Variants in UMODL1 observed in about 807,000 individuals in gnomAD.
UMODL1 encodes uromodulin-like 1.
Under a neutral mutation model 136.3 loss-of-function variants are expected in UMODL1, and 128 were observed. The ratio of observed to expected loss-of-function variants is 0.94; its 90% CI spans 0.81 to 1.09. UMODL1 has a LOEUF of 1.09. Ranked by LOEUF, UMODL1 falls within the 50% of genes least tolerant of loss-of-function variation. UMODL1 has a pLI of 0.00. For synonymous variants in UMODL1, 721 were observed against 720.0 expected (o/e 1.00, Z -0.02); for missense variants, 1,766 against 1,725.6 (o/e 1.02, Z -0.41).
chr21:42,120,702 A>G (rs966316310), intron 15 of UMODL1: 1 of 172,744 alleles, frequency 5.8e-6, no homozygotes, highest in African/African-American at 2.4e-5. Flanking sequence ...CATCATGGCG[A>G]AAGGCAAATG....
In UMODL1 at chr21:42,127,085, A is replaced by G. The variant is rs764239740; in HGVS notation, c.3373A>G (p.Ile1125Val). ...GCAGTTGTTTATCGGAGACTCTCCCATACCTCAGAATTATAGCGTGTCTGC... is the reference window on the plus strand; with the variant it reads ...GCAGTTGTTTATCGGAGACTCTCCCGTACCTCAGAATTATAGCGTGTCTGC... Reference protein sequence around the residue: ...EMQLFIGDSPIPQNYSVSASD... With the variant: ...EMQLFIGDSPVPQNYSVSASD... The change falls in exon 19 of 23, where the codon ATA becomes GTA. Residue 1125 changes from isoleucine to valine, a missense_variant. Physicochemically the swap from Ile to Val is conservative, Grantham distance 29 (BLOSUM62 3). Transcript: ENST00000408910. 1.2e-6 allele frequency: 2 copies of G among 1,614,214 alleles called. No individual in the cohort carries two copies. Among genetic ancestry groups the G allele is most frequent in the Non-Finnish European group, 8.5e-7 (1 of 1,180,042 alleles).
At chr21:42,068,868 T>G (rs2066205110), upstream of UMODL1, among the ~76,000 whole-genome samples, 1 of 152,068 alleles carries the variant, frequency 6.6e-6, no homozygotes, top group African/African-American at 2.4e-5. This position sits in a 1 kb window ranked among gnomAD's most constrained non-coding sequence, Gnocchi z 5.5. Flanking sequence ...TGTATGTGAG[T>G]GTGAGTGGGT....
At chr21:42,130,825 T>G (rs77305397) in intron 21 of UMODL1, among the ~76,000 whole-genome samples, 12 of 151,490 alleles carry the variant, frequency 7.9e-5, no homozygotes, top group Admixed American at 2.0e-4. Flanking sequence ...TTTTTTTTTT[T>G]TTGAGACGGA....
chr21:42,107,115 A>G (rs773137691), intron 9 of UMODL1, among the ~76,000 whole-genome samples: 1 of 151,844 alleles, frequency 6.6e-6, no homozygotes, highest in African/African-American at 2.4e-5. Flanking sequence ...TTTCCATTCA[A>G]TCTCTTGCTC....
intron 6 of UMODL1, among the ~76,000 whole-genome samples, chr21:42,092,436 T>C (rs1385406951): frequency 6.6e-6 from 1 of 152,074 alleles, no homozygotes; most frequent in Non-Finnish European, 1.5e-5. Flanking sequence ...ACATGTGTAA[T>C]TTTATAAGCT....
In UMODL1 at chr21:42,140,626, A is replaced by T. The variant is rs530245224; in HGVS notation, c.*22-1470A>T. Among the ~76,000 whole-genome samples, 120 of 151,946 alleles carry T rather than the reference A, an allele frequency of 7.9e-4. 1 individual carries two copies. Among genetic ancestry groups the T allele is most frequent in the Non-Finnish European group, 1.4e-3 (98 of 67,936 alleles). On this transcript the variant is annotated intron_variant, in intron 22 of 22. Transcript: ENST00000408910. ...CAGAGACCCGGAGAATTTGTATTTT[A>T]GCAGCTGTGCAAGGGGATCCACAAT...
Position 42,121,232 on chromosome 21 carries a change from C to A in UMODL1, c.2827+8C>A, listed in dbSNP as rs220150. Reference sequence around the variant, plus strand: ...CTGAGAGACCCTGTGAAGGTAATGTCGTCAGAGTTTCTTCTTCTGGAATAC... The same window carrying A: ...CTGAGAGACCCTGTGAAGGTAATGTAGTCAGAGTTTCTTCTTCTGGAATAC... On this transcript the variant is annotated splice_region_variant and intron_variant, in intron 16 of 22. Coordinates refer to ENST00000408910, the MANE Select transcript of UMODL1 (RefSeq NM_001004416.3). The A allele has an allele frequency of 6.0e-5, 96 of 1,603,136 alleles. No individual in the cohort carries two copies. The highest frequency in any genetic ancestry group is 8.0e-5 in the Non-Finnish European group (94 of 1,175,240).
At chr21:42,064,780 T>C (rs1339529882) in intron 1 of UMODL1, among the ~76,000 whole-genome samples, 2 of 152,300 alleles carry the variant, frequency 1.3e-5, no homozygotes, top group African/African-American at 4.8e-5. Context: ...GGTCTCTAAC[T>C]CCTGACCTCA....
At chr21:42,097,641 A>T (rs8132617) in intron 6 of UMODL1, among the ~76,000 whole-genome samples, 4 of 152,324 alleles carry the variant, frequency 2.6e-5, no homozygotes, top group African/African-American at 9.6e-5. Context: ...GAAGCCACAC[A>T]TTATAAAATT....
At chr21:42,098,207 G>T (rs961190472) in intron 6 of UMODL1, among the ~76,000 whole-genome samples, 1 of 152,116 alleles carries the variant, frequency 6.6e-6, no homozygotes, top group Non-Finnish European at 1.5e-5. Context: ...AGTAACCACC[G>T]ATTCCGGATC....
chr21:42,121,356 GA>G, intron 16 of UMODL1, 132 bp downstream of exon 16: 1 of 1,065,184 alleles, frequency 9.4e-7, no homozygotes, highest in Admixed American at 2.5e-5. Context: ...TCCTGTGTGT[GA>G]TGTGGGTGCA....
At position 42,085,822 on chromosome 21, in the gene UMODL1, T is replaced by A. The variant is rs1380590734; in HGVS notation, c.603+410T>A. Among the ~76,000 whole-genome samples, 1 of 151,896 alleles carries A rather than the reference T, an allele frequency of 6.6e-6. No individual in the cohort carries two copies. Among genetic ancestry groups the A allele is most frequent in the Non-Finnish European group, 1.5e-5 (1 of 67,996 alleles). ...GTGGAAGCCAGCACCAACCTGGGAG[T>A]GCTGAGATGGGAACCGTAGCCCAGG... is the stretch of plus-strand genomic sequence containing the variant. On this transcript the variant is annotated intron_variant, in intron 4 of 22. Transcript: ENST00000408910. This position sits in a 1 kb window ranked among gnomAD's most constrained non-coding sequence, Gnocchi z 4.5.
rs981080371 is a variant in UMODL1, at chr21:42,099,540, G to A, written c.1186+360G>A. 2.6e-5 allele frequency among the ~76,000 whole-genome samples: 4 copies of A among 152,142 alleles called. No homozygotes were observed. Among genetic ancestry groups the A allele is most frequent in the Non-Finnish European group, 4.4e-5 (3 of 68,026 alleles). On this transcript the variant is annotated intron_variant, in intron 7 of 22. Transcript: ENST00000408910. The surrounding 1 kb of genome is among the most constrained non-coding windows in gnomAD (Gnocchi z 4.1). ...GCGGCAGCTCCTGGCAGGCAGATCC[G>A]GACCCTGCCCGCTTACCCAGCAGCA... is the stretch of plus-strand genomic sequence containing the variant.
intron 2 of UMODL1, among the ~76,000 whole-genome samples, chr21:42,080,856 A>T (rs942588594): frequency 1.3e-5 from 2 of 152,244 alleles, no homozygotes; most frequent in Non-Finnish European, 2.9e-5. Context: ...ACATGACTCC[A>T]CTGCATGCTT....
chr21:42,095,008 C>A (rs1192397153), intron 6 of UMODL1, among the ~76,000 whole-genome samples: 2 of 151,636 alleles, frequency 1.3e-5, no homozygotes, highest in African/African-American at 2.4e-5. Flanking sequence ...CTGGGAGAAT[C>A]CATTCCTTGC....
At chr21:42,112,149 A>G (rs1442723717) in intron 12 of UMODL1, among the ~76,000 whole-genome samples, 1 of 143,652 alleles carries the variant, frequency 7.0e-6, no homozygotes, top group Non-Finnish European at 1.5e-5. Flanking sequence ...CTGCACTCCC[A>G]TAGCTGTTCT....
chr21:42,111,855 G>T, intron 12 of UMODL1, 145 bp downstream of exon 12: 1 of 867,136 alleles, frequency 1.2e-6, no homozygotes, highest in Non-Finnish European at 1.7e-6. Flanking sequence ...GTGTGGAAAC[G>T]GAGGCACCCA....
In UMODL1 at chr21:42,111,513, G is replaced by C; in HGVS notation, c.1907G>C (p.Gly636Ala). The change falls in exon 12 of 23, where the codon GGA (glycine) becomes GCA (alanine). Residue 636 changes from glycine to alanine, a missense_variant. Physicochemically the swap from Gly to Ala is moderately conservative, Grantham distance 60 (BLOSUM62 0). Coordinates refer to ENST00000408910, the MANE Select transcript of UMODL1 (RefSeq NM_001004416.3). ...CTGGCCCTCCCTGGACAGCTACAGG[G>C]AAACTCCATCATGGAGCCACCCTCC... ...TGKGVEQELQGNSIMEPPSWP... is the reference protein window; with the variant it reads ...TGKGVEQELQANSIMEPPSWP... 1 of 1,613,804 alleles carries C rather than the reference G, an allele frequency of 6.2e-7. No individual in the cohort carries two copies. Among genetic ancestry groups the C allele is most frequent in the Non-Finnish European group, 8.5e-7 (1 of 1,179,782 alleles).
At chr21:42,090,945 C>T (rs553459777) in intron 6 of UMODL1, among the ~76,000 whole-genome samples, 71 of 152,300 alleles carry the variant, frequency 4.7e-4, no homozygotes, top group African/African-American at 1.6e-3. Flanking sequence ...AAATGAGTGC[C>T]GGCAGTGAGC....
Sources: allele counts gnomAD v4.1 joint callset (sites outside exome capture counted in the v4.1 genomes callset), GRCh38; gene constraint gnomAD v4.1.1; non-coding constraint Gnocchi (gnomAD v3.1); transcripts MANE v1.5; gene names NCBI Gene and HGNC (gene_info 2026-07-23, HGNC 2026-07-21).